The following RAB3C variants were observed in gnomAD, a reference collection of about 807,000 sequenced individuals.
RAB3C encodes the protein RAB3C, member RAS oncogene family.
Under a neutral mutation model 26.4 loss-of-function variants are expected in RAB3C, and 17 were observed. That is an observed-to-expected ratio of 0.64 (90% confidence interval 0.44 to 0.97). The LOEUF (loss-of-function observed/expected upper bound fraction) is 0.97. Ranked by LOEUF, RAB3C falls within the 50% of genes least tolerant of loss-of-function variation. The probability of loss-of-function intolerance (pLI) is 0.00; values close to 1 mark genes in which losing one functional copy is unlikely to be tolerated. For missense variants in RAB3C, 242 were observed against 281.9 expected (o/e 0.86, Z 1.01); for synonymous variants, 91 against 95.9 (o/e 0.95, Z 0.30).
At chr5:58,833,763 C>G (rs1227359094) in intron 4 of RAB3C, among the ~76,000 whole-genome samples, 2 of 152,126 alleles carry the variant, frequency 1.3e-5, no homozygotes, top group Non-Finnish European at 2.9e-5. Context: ...ATTGAAAGAA[C>G]TAGTCTTAAA....
intron 1 of RAB3C, among the ~76,000 whole-genome samples, chr5:58,591,817 T>C (rs1024179524): frequency 2.0e-5 from 3 of 150,792 alleles, no homozygotes; most frequent in Non-Finnish European, 3.0e-5. Flanking sequence ...TCTTTCTCTG[T>C]TTCGTTTTTA....
At chr5:58,613,916 A>G (rs1746769641) in intron 1 of RAB3C, among the ~76,000 whole-genome samples, 1 of 152,044 alleles carries the variant, frequency 6.6e-6, no homozygotes, top group Non-Finnish European at 1.5e-5. Context: ...GTTCCTTCAG[A>G]TACCTGAAGT....
intron 2 of RAB3C, among the ~76,000 whole-genome samples, chr5:58,699,892 G>A (rs796684891): frequency 1.2e-4 from 19 of 152,314 alleles, no homozygotes; most frequent in African/African-American, 4.6e-4. Flanking sequence ...GGCTAGGAAA[G>A]GGAAATCCCC....
intron 3 of RAB3C, among the ~76,000 whole-genome samples, chr5:58,763,750 G>T (rs1020910759): frequency 1.3e-5 from 2 of 152,160 alleles, no homozygotes; most frequent in African/African-American, 4.8e-5. Context: ...AAAGCATGGT[G>T]ATTTAGAGTA....
In RAB3C at chr5:58,723,257, C is replaced by T. The variant is rs1740813576; in HGVS notation, c.253-2745C>T. Among the ~76,000 whole-genome samples, 3 of 151,678 alleles carry T rather than the reference C, an allele frequency of 2.0e-5. No individual in the cohort carries two copies. In the South Asian group the frequency reaches 6.2e-4, roughly 31 times the overall value. ...AGTATGTTCTGAAAGATCTTCCTCA[C>T]CTGTTCTACATTATTTCTGCTATTT... On this transcript the variant is annotated intron_variant, in intron 2 of 4. Coordinates refer to ENST00000282878, the MANE Select transcript of RAB3C (RefSeq NM_138453.4).
chr5:58,671,025 G>A (rs1043843117), intron 2 of RAB3C, among the ~76,000 whole-genome samples: 24 of 152,076 alleles, frequency 1.6e-4, no homozygotes, highest in African/African-American at 5.8e-4. Flanking sequence ...CAACTTCTGT[G>A]GGCCCCAGTT....
chr5:58,843,525 G>A (rs934751842), intron 4 of RAB3C, among the ~76,000 whole-genome samples: 1 of 152,162 alleles, frequency 6.6e-6, no homozygotes, highest in Non-Finnish European at 1.5e-5. Flanking sequence ...TTGCATATAA[G>A]CAGCCACTCT....
chr5:58,815,630 G>A (rs1743198464), intron 3 of RAB3C: 1 of 152,146 alleles, frequency 6.6e-6, no homozygotes, highest in Admixed American at 6.5e-5. Flanking sequence ...ACATAAGATG[G>A]TAATTTATTT....
intron 1 of RAB3C, among the ~76,000 whole-genome samples, chr5:58,598,604 A>G (rs1746378252): frequency 6.6e-6 from 1 of 152,134 alleles, no homozygotes; most frequent in African/African-American, 2.4e-5. Flanking sequence ...AGGTCCTATC[A>G]CAGGGAATAT....
At chr5:58,599,723 C>T (rs774292443) in intron 1 of RAB3C, among the ~76,000 whole-genome samples, 5 of 150,316 alleles carry the variant, frequency 3.3e-5, no homozygotes, top group Non-Finnish European at 7.4e-5. Context: ...ACTTTAAGTT[C>T]AGTTTTGTGT....
chr5:58,704,656 T>TA, intron 2 of RAB3C, among the ~76,000 whole-genome samples: 1 of 152,298 alleles, frequency 6.6e-6, no homozygotes, highest in Middle Eastern at 3.4e-3. Context: ...TAAAAGGTCA[T>TA]AAAAAACATG....
At chr5:58,700,373 C>T (rs560125373) in intron 2 of RAB3C, among the ~76,000 whole-genome samples, 69 of 152,140 alleles carry the variant, frequency 4.5e-4, no homozygotes, top group East Asian at 1.7e-3. Flanking sequence ...AGGGGGATGG[C>T]GAGAAGCAAA....
chr5:58,668,539 A>G (rs1292492475), intron 2 of RAB3C, among the ~76,000 whole-genome samples: 4 of 152,172 alleles, frequency 2.6e-5, no homozygotes, highest in South Asian at 2.1e-4. Context: ...AGTCCCCTAT[A>G]TGGAGATCAC....
intron 3 of RAB3C, among the ~76,000 whole-genome samples, chr5:58,792,945 T>C (rs555527923): frequency 1.3e-5 from 2 of 152,268 alleles, no homozygotes; most frequent in African/African-American, 2.4e-5. Context: ...TCATTGACAT[T>C]GTTTTGATTC....
At chr5:58,742,808 G>T (rs1300383297) in intron 3 of RAB3C, among the ~76,000 whole-genome samples, 1 of 152,100 alleles carries the variant, frequency 6.6e-6, no homozygotes, top group Non-Finnish European at 1.5e-5. Flanking sequence ...TACCAAATAT[G>T]ATTTCATTTA....
chr5:58,736,133 C>G (rs1741128321), intron 3 of RAB3C, among the ~76,000 whole-genome samples: 1 of 152,190 alleles, frequency 6.6e-6, no homozygotes, highest in Admixed American at 6.5e-5. Context: ...TGCGCCCTGT[C>G]CCTCCTGCTT....
chr5:58,686,256 G>A (rs1428497032), intron 2 of RAB3C, among the ~76,000 whole-genome samples: 1 of 152,118 alleles, frequency 6.6e-6, no homozygotes, highest in Non-Finnish European at 1.5e-5. Context: ...ATAGGAAAGA[G>A]TGAAAGACAA....
intron 2 of RAB3C, among the ~76,000 whole-genome samples, chr5:58,636,632 C>T (rs437253): frequency 0.34 from 51,320 of 151,720 alleles, 9,582 homozygotes; most frequent in Middle Eastern, 0.49. Flanking sequence ...ATCATTTTGC[C>T]AGCCTCCTCT....
chr5:58,752,844 G>T (rs1216920172), intron 3 of RAB3C, among the ~76,000 whole-genome samples: 1 of 151,852 alleles, frequency 6.6e-6, no homozygotes, highest in Non-Finnish European at 1.5e-5. Flanking sequence ...CTTGCCTAAA[G>T]GATTAAATTA....
Sources: allele counts gnomAD v4.1 joint callset (sites outside exome capture counted in the v4.1 genomes callset), GRCh38; gene constraint gnomAD v4.1.1; transcripts MANE v1.5; gene names NCBI Gene and HGNC (gene_info 2026-07-23, HGNC 2026-07-21).